ZNF506: variants seen among roughly 807,000 people sequenced by gnomAD.
The protein encoded by ZNF506 is zinc finger protein 506.
Under a neutral mutation model 11.6 loss-of-function variants are expected in ZNF506, and 10 were observed. That is an observed-to-expected ratio of 0.86 (90% confidence interval 0.53 to 1.46). The LOEUF (loss-of-function observed/expected upper bound fraction) is 1.46. Among genes scored for constraint, ZNF506 ranks in the 40% most tolerant of loss-of-function variants. The pLI, the probability that ZNF506 is intolerant of heterozygous loss-of-function variation, is 0.00. For synonymous variants in ZNF506, 156 were observed against 173.3 expected (o/e 0.90, Z 0.78); for missense variants, 425 against 521.2 (o/e 0.82, Z 1.80).
intron 2 of ZNF506, 83 bp downstream of exon 2, chr19:19,806,855 GAATA>G: frequency 6.7e-7 from 1 of 1,490,410 alleles, no homozygotes. Context: ...TGTATGCAAA[GAATA>G]AATTACTAAA....
chr19:19,815,871 T>C (rs2062926639), intron 1 of ZNF506, among the ~76,000 whole-genome samples: 1 of 152,350 alleles, frequency 6.6e-6, no homozygotes, highest in East Asian at 1.9e-4. Flanking sequence ...TTATCTTTAC[T>C]GGTTTAATAT....
intron 3 of ZNF506, among the ~76,000 whole-genome samples, chr19:19,805,744 A>AT (rs1390255525): frequency 6.6e-6 from 1 of 152,214 alleles, no homozygotes; most frequent in Non-Finnish European, 1.5e-5. Context: ...CAGATTGTGC[A>AT]GTCTCTTATC....
At chr19:19,812,827 A>G (rs921221730) in intron 1 of ZNF506, among the ~76,000 whole-genome samples, 42 of 152,194 alleles carry the variant, frequency 2.8e-4, no homozygotes, top group Non-Finnish European at 4.9e-4. Flanking sequence ...ATATTCCCCT[A>G]AAAGCAATTT....
At chr19:19,814,206 T>G (rs1046534865) in intron 1 of ZNF506, among the ~76,000 whole-genome samples, 14 of 151,872 alleles carry the variant, frequency 9.2e-5, no homozygotes, top group Non-Finnish European at 1.8e-4. Context: ...GTGCGGAGTT[T>G]GAGACCAGCC....
chr19:19,799,601 G>C (rs1157217379), intron 3 of ZNF506, among the ~76,000 whole-genome samples: 3 of 151,850 alleles, frequency 2.0e-5, no homozygotes, highest in Admixed American at 1.3e-4. Context: ...ATACACTCTT[G>C]AGCATGCACT....
chr19:19,796,400 A>T (rs1279998834), intron 3 of ZNF506: 1 of 150,658 alleles, frequency 6.6e-6, no homozygotes, highest in Non-Finnish European at 1.5e-5. Flanking sequence ...TTTATTTTTT[A>T]TTTTATTTAT....
chr19:19,809,895 T>C (rs2062871026), intron 1 of ZNF506, among the ~76,000 whole-genome samples: 1 of 152,154 alleles, frequency 6.6e-6, no homozygotes, highest in South Asian at 2.1e-4. Flanking sequence ...TAGAGTCATA[T>C]GAGGCACTTC....
rs373528232 is a variant in ZNF506, at chr19:19,814,238, G to A, written c.4-7170C>T. On this transcript the variant is annotated intron_variant, in intron 1 of 3. Coordinates refer to ENST00000540806, the MANE Select transcript of ZNF506 (RefSeq NM_001099269.3). ...AGCCTGACCAACATGGAGAAACCCC[G>A]TATCTACTAAAGATACAAAATTATC... Among the ~76,000 whole-genome samples, 8 of 151,722 alleles carry A rather than the reference G, an allele frequency of 5.3e-5. No homozygotes were observed. The South Asian group carries it at 6.2e-4, about 12-fold the overall frequency.
At chr19:19,797,592 A>G (rs559605350) in intron 3 of ZNF506, 1 of 152,106 alleles carries the variant, frequency 6.6e-6, no homozygotes, top group Non-Finnish European at 1.5e-5. Flanking sequence ...ACAAAAACTA[A>G]GTGAAAAATT....
chr19:19,800,618 T>C (rs1255297230), intron 3 of ZNF506, among the ~76,000 whole-genome samples: 7 of 151,106 alleles, frequency 4.6e-5, no homozygotes, highest in African/African-American at 2.4e-5. Context: ...GGTTTCCCCA[T>C]GTTGGCCAGG....
rs1433078303 is a variant in ZNF506 at position 19,793,853 on chromosome 19, C to G, written c.*699G>C. The stretch of plus-strand genomic sequence containing the variant: ...TCTTACCTACAATCAAGTGTGGCAA[C>G]CATATAAACGCTTTGTCTCATTTCA... On this transcript the variant is annotated 3_prime_UTR_variant, in exon 4 of 4. Coordinates refer to ENST00000540806, the MANE Select transcript of ZNF506 (RefSeq NM_001099269.3). 1 of 152,164 alleles carries G rather than the reference C, an allele frequency of 6.6e-6. No homozygotes were observed. The highest frequency in any genetic ancestry group is 1.5e-5 in the Non-Finnish European group (1 of 68,044). The allele number at this position is 152,164 out of a possible 1,614,324, so 9.4% of individuals were successfully genotyped here. A position where few individuals can be genotyped will look rare whatever the true frequency, so the allele number is the denominator to read the frequency against.
At chr19:19,796,131 C>T (rs2062738475) in intron 3 of ZNF506, 1 of 164,638 alleles carries the variant, frequency 6.1e-6, no homozygotes, top group Non-Finnish European at 1.3e-5. Flanking sequence ...AACTACAAAA[C>T]GTTAGCCAGG....
intron 3 of ZNF506, among the ~76,000 whole-genome samples, chr19:19,800,853 G>A (rs1027226884): frequency 1.3e-5 from 2 of 151,990 alleles, no homozygotes; most frequent in African/African-American, 2.4e-5. Flanking sequence ...GACTACTCAC[G>A]TAGACAGGAT....
At chr19:19,806,165 A>G (rs377385804) in intron 2 of ZNF506, 39 bp from the exon 3 acceptor site, 335 of 1,479,098 alleles carry the variant, frequency 2.3e-4, no homozygotes, top group Non-Finnish European at 3.1e-4. Flanking sequence ...TCTTGCTCAT[A>G]TTCTCCAATT....
chr19:19,805,470 T>G (rs922719712), intron 3 of ZNF506, among the ~76,000 whole-genome samples: 1 of 151,818 alleles, frequency 6.6e-6, no homozygotes, highest in African/African-American at 2.4e-5. Flanking sequence ...ATTCTAAAAT[T>G]TACATGAAAC....
intron 3 of ZNF506, among the ~76,000 whole-genome samples, chr19:19,800,487 G>A (rs1050609328): frequency 1.3e-5 from 2 of 150,652 alleles, no homozygotes; most frequent in African/African-American, 2.4e-5. Context: ...CAAGATATCG[G>A]CTCACTGCAA....
intron 2 of ZNF506, 63 bp downstream of exon 2, chr19:19,806,879 A>T: frequency 6.4e-7 from 1 of 1,553,378 alleles, no homozygotes; most frequent in Non-Finnish European, 8.7e-7. Flanking sequence ...AAAACATTCT[A>T]CAAAAAAGAG....
chr19:19,813,237 C>G (rs113349463), intron 1 of ZNF506, among the ~76,000 whole-genome samples: 8 of 152,104 alleles, frequency 5.3e-5, no homozygotes, highest in African/African-American at 1.9e-4. Context: ...ATAAACATGT[C>G]AGACTAATAT....
rs776269564 is a variant in ZNF506 at position 19,806,950 on chromosome 19, A to C, written c.122T>G (p.Ile41Ser). Reference protein sequence around the residue: ...DVMLENYRNLIFLGIVVSKPN... With the variant: ...DVMLENYRNLSFLGIVVSKPN... ...ACTCAAGTTATCCTCACCAAGGAAG[A>C]TCAGGTTTCTGTAGTTCTCTAACAT... Residue 41 changes from isoleucine to serine, a missense_variant, in exon 2 of 4, where the codon ATC becomes AGC. By Grantham distance (142) the Ile-to-Ser change is moderately radical. This residue lies in a region of ZNF506 where 226 missense variants were observed against 279.1 expected (regional missense o/e 0.81). Transcript: ENST00000540806. The C allele has an allele frequency of 6.2e-7, 1 of 1,613,154 alleles. No individual in the cohort carries two copies. The highest frequency in any genetic ancestry group is 1.3e-5 in the African/African-American group (1 of 74,892).
Sources: allele counts gnomAD v4.1 joint callset (sites outside exome capture counted in the v4.1 genomes callset), GRCh38; gene constraint gnomAD v4.1.1; regional missense constraint gnomAD v4.1.1; transcripts MANE v1.5; gene names NCBI Gene and HGNC (gene_info 2026-07-23, HGNC 2026-07-21).